ECHDC1: variants seen among roughly 807,000 people sequenced by gnomAD.
The protein encoded by ECHDC1 is ethylmalonyl-CoA decarboxylase.
A neutral mutation model predicts 29.7 loss-of-function variants in ECHDC1; 29 were observed. The ratio of observed to expected loss-of-function variants is 0.98; its 90% confidence interval spans 0.73 to 1.33. The LOEUF (loss-of-function observed/expected upper bound fraction) is 1.33, where lower values mean the gene tolerates loss of function less well. Among genes scored for constraint, ECHDC1 ranks in the 40% most tolerant of loss-of-function variants. The pLI, the probability that ECHDC1 is intolerant of heterozygous loss-of-function variation, is 0.00. For missense variants in ECHDC1, 328 were observed against 350.0 expected (o/e 0.94, Z 0.50); for synonymous variants, 126 against 123.1 (o/e 1.02, Z -0.15).
intron 3 of ECHDC1, among the ~76,000 whole-genome samples, chr6:127,319,392 ACAGT>A (rs904879581): frequency 6.6e-6 from 1 of 152,238 alleles, no homozygotes; most frequent in African/African-American, 2.4e-5. Context: ...TGTCTGACAT[ACAGT>A]AAGAGAATAA....
Position 127,289,764 on chromosome 6 carries a change from T to C in ECHDC1, c.*105A>G, listed in dbSNP as rs1244622323. 7.8e-6 allele frequency: 9 copies of C among 1,156,614 alleles called. No individual in the cohort carries two copies. Among genetic ancestry groups the C allele is most frequent in the Admixed American group, 2.4e-5 (1 of 41,024 alleles). 71.6% of individuals were successfully genotyped at this position (1,156,614 alleles called of 1,614,324 possible). On this transcript the variant is annotated 3_prime_UTR_variant, in exon 6 of 6. Coordinates refer to ENST00000454859, the MANE Select transcript of ECHDC1 (RefSeq NM_001002030.2). The stretch of plus-strand genomic sequence containing the variant: ...GATTAAAAGTAAGTCTGCATATTAA[T>C]AGTAGCCTTCAAAGTAATTCTGATG...
rs10523734 is a variant in ECHDC1, at chr6:127,333,666, TACACACACAC to T, written c.-2-2646_-2-2637del. ...CATATCAATCATACTCTCTTTCTCT[TACACACACAC>T]ACACACACACACACACACACACACA... On this transcript the variant is annotated intron_variant, in intron 1 of 5. Transcript: ENST00000454859. Among the ~76,000 whole-genome samples the T allele has an allele frequency of 4.4e-3, 561 of 128,132 alleles. 4 individuals carry two copies. Among genetic ancestry groups the T allele is most frequent in the African/African-American group, 0.01 (363 of 35,976 alleles). 84.1% of individuals were successfully genotyped at this position (128,132 alleles called of 152,430 possible). A position where few individuals can be genotyped will look rare whatever the true frequency, so the allele number is the denominator to read the frequency against.
chr6:127,342,218 C>G, intron 1 of ECHDC1: 1 of 841,400 alleles, frequency 1.2e-6, no homozygotes, highest in Non-Finnish European at 1.8e-6. Flanking sequence ...GTTTTTTAAC[C>G]AGTTCTTCCC....
intron 2 of ECHDC1, among the ~76,000 whole-genome samples, chr6:127,328,461 T>C (rs1215422550): frequency 2.0e-5 from 3 of 152,196 alleles, no homozygotes; most frequent in African/African-American, 7.2e-5. Flanking sequence ...TAATAGGTTA[T>C]ACTATCTAGG....
chr6:127,334,952 T>TC (rs1470137964), intron 1 of ECHDC1, among the ~76,000 whole-genome samples: 1 of 151,786 alleles, frequency 6.6e-6, no homozygotes, highest in African/African-American at 2.4e-5. Context: ...ATACTTTGTG[T>TC]CACTAGTGGC....
chr6:127,327,390 A>C (rs775521172), intron 2 of ECHDC1, among the ~76,000 whole-genome samples: 3 of 152,208 alleles, frequency 2.0e-5, no homozygotes, highest in Non-Finnish European at 2.9e-5. Flanking sequence ...AAGAAATCAC[A>C]TAAATATATG....
intron 5 of ECHDC1, among the ~76,000 whole-genome samples, chr6:127,304,737 G>A (rs191978106): frequency 3.9e-5 from 6 of 152,260 alleles, no homozygotes; most frequent in African/African-American, 1.2e-4. Context: ...TTCTAGAGCT[G>A]AAAAATGCAA....
At chr6:127,325,999 A>G (rs1408581166) in intron 3 of ECHDC1, among the ~76,000 whole-genome samples, 4 of 152,116 alleles carry the variant, frequency 2.6e-5, no homozygotes, top group African/African-American at 9.7e-5. Flanking sequence ...CACCATGCTA[A>G]AATAGGTTTC....
chr6:127,309,816 A>AT (rs1031373140), intron 5 of ECHDC1, among the ~76,000 whole-genome samples: 2 of 152,216 alleles, frequency 1.3e-5, no homozygotes, highest in African/African-American at 4.8e-5. Context: ...GGAAGCAGGC[A>AT]TATCTTCACA....
At chr6:127,294,307 A>C (rs1215780924) in intron 5 of ECHDC1, among the ~76,000 whole-genome samples, 1 of 152,214 alleles carries the variant, frequency 6.6e-6, no homozygotes, top group Non-Finnish European at 1.5e-5. Context: ...GCATGGGGAA[A>C]TATAGCATAG....
intron 5 of ECHDC1, among the ~76,000 whole-genome samples, chr6:127,311,707 A>AAAAAAAAAAAG (rs1781943643): frequency 1.1e-5 from 1 of 89,004 alleles, no homozygotes; most frequent in Non-Finnish European, 2.0e-5. Context: ...AAGAAAAGAA[A>AAAAAAAAAAAG]AAAGAAAGAA....
rs1491029653 is a variant in ECHDC1 at position 127,290,099 on chromosome 6, CCT to C, written c.674_675del (p.Glu225GlyfsTer7). The C allele has an allele frequency of 1.2e-6, 2 of 1,613,694 alleles. No homozygotes were observed. Among genetic ancestry groups the C allele is most frequent in the African/African-American group, 2.7e-5 (2 of 75,006 alleles). ...KNALNIGMVEEVLQSSDETKS... is the reference protein window; with the variant it reads ...KNALNIGMVEXVLQSSDETKS... The stretch of plus-strand genomic sequence containing the variant: ...TTAGTTTCATCTGAAGACTGCAAGA[CCT>C]CTTCAACCATTCCTATGTTTAGAGC... On this transcript the variant is annotated frameshift_variant, in exon 6 of 6. Coordinates refer to ENST00000454859, the MANE Select transcript of ECHDC1 (RefSeq NM_001002030.2). LOFTEE classifies it high-confidence loss of function.
chr6:127,307,642 G>T (rs1781539195), intron 5 of ECHDC1, among the ~76,000 whole-genome samples: 2 of 12,890 alleles, frequency 1.6e-4, no homozygotes, highest in Non-Finnish European at 2.2e-4. Context: ...GTGATACTCT[G>T]TCTCAGAAAA....
In ECHDC1 at chr6:127,290,322, G is replaced by A. The variant is rs182321852; in HGVS notation, c.498-45C>T. The A allele has an allele frequency of 1.2e-5, 19 of 1,557,660 alleles. No individual in the cohort carries two copies. The African/African-American group carries it at 2.5e-4, about 20-fold the overall frequency. On this transcript the variant is annotated intron_variant, in intron 5 of 5. Coordinates refer to ENST00000454859, the MANE Select transcript of ECHDC1 (RefSeq NM_001002030.2). ...AGCTTAATTGTAACTCTCTCTGTAT[G>A]CTCTAATCATAAAGTACTATCCATT...
intron 2 of ECHDC1, 101 bp downstream of exon 2, chr6:127,330,707 CA>C: frequency 1.1e-6 from 1 of 937,032 alleles, no homozygotes; most frequent in East Asian, 2.6e-5. Context: ...ACCAAGAGTA[CA>C]AGGACTTTAA....
intron 4 of ECHDC1, chr6:127,315,183 C>T: frequency 5.5e-6 from 3 of 547,720 alleles, no homozygotes; most frequent in Non-Finnish European, 1.0e-5. Flanking sequence ...TTGTAACTTA[C>T]TCCCAAATAA....
chr6:127,290,067 TAG>T lies in ECHDC1; in HGVS notation c.706_707del (p.Leu236ArgfsTer19). On this transcript the variant is annotated frameshift_variant, in exon 6 of 6. Coordinates refer to ENST00000454859, the MANE Select transcript of ECHDC1 (RefSeq NM_001002030.2). LOFTEE classifies it high-confidence loss of function. ...GCTTTAGCCATTCTTGTGCCTCTTC[TAG>T]AGATTTAGTTTCATCTGAAGACTGC... Reference protein sequence around the residue: ...VLQSSDETKSLEEAQEWLKQF... With the variant: ...VLQSSDETKSXEEAQEWLKQF... The T allele has an allele frequency of 1.2e-6, 2 of 1,613,702 alleles. No homozygotes were observed. The highest frequency in any genetic ancestry group is 2.2e-5 in the East Asian group (1 of 44,844).
chr6:127,311,459 G>A (rs1245418169), intron 5 of ECHDC1, among the ~76,000 whole-genome samples: 1 of 151,732 alleles, frequency 6.6e-6, no homozygotes, highest in Non-Finnish European at 1.5e-5. Context: ...CCTGGATCAC[G>A]AGGTCAGGAG....
At position 127,318,672 on chromosome 6, in the gene ECHDC1, C is replaced by T. The variant is rs9482786; in HGVS notation, c.364-2170G>A. ...GAAGGTGGCATTTGCTAGGTCTAGA[C>T]AGTAAGTCCCTTGATGGTGACAGTA... On this transcript the variant is annotated intron_variant, in intron 3 of 5. Coordinates refer to ENST00000454859, the MANE Select transcript of ECHDC1 (RefSeq NM_001002030.2). 3.3e-3 allele frequency among the ~76,000 whole-genome samples: 505 copies of T among 152,306 alleles called. 6 individuals are homozygous for T. The highest frequency in any genetic ancestry group is 0.011 in the African/African-American group (476 of 41,562).
Sources: gnomAD v4.1 joint callset for allele counts (sites outside exome capture counted in the v4.1 genomes callset) on GRCh38, gnomAD v4.1.1 for gene constraint, MANE v1.5 for transcripts, NCBI Gene and HGNC (gene_info 2026-07-23, HGNC 2026-07-21) for gene names.